Variants in SPATS2 observed in about 807,000 individuals in gnomAD.
SPATS2 encodes spermatogenesis-associated serine-rich protein 2.
In SPATS2, 38 loss-of-function variants were observed where a neutral mutation model predicts 63.7. That is an observed-to-expected ratio of 0.60 (90% CI 0.46 to 0.78). The LOEUF (loss-of-function observed/expected upper bound fraction) is 0.78. Among genes scored for constraint, SPATS2 ranks in the 30% least tolerant of loss-of-function variants. SPATS2 has a pLI of 0.00. For synonymous variants in SPATS2, 207 were observed against 232.9 expected (o/e 0.89, Z 1.01); for missense variants, 588 against 666.2 (o/e 0.88, Z 1.29).
At chr12:49,427,098 A>G (rs147129185) in intron 2 of SPATS2, among the ~76,000 whole-genome samples, 93 of 152,280 alleles carry the variant, frequency 6.1e-4, no homozygotes, top group African/African-American at 2.1e-3. Context: ...AGCAATATGT[A>G]AGAATCAGTT....
intron 2 of SPATS2, among the ~76,000 whole-genome samples, chr12:49,379,762 A>G (rs1944180441): frequency 6.6e-6 from 1 of 150,490 alleles, no homozygotes; most frequent in Non-Finnish European, 1.5e-5. Flanking sequence ...AGCTGAGACT[A>G]CAGGCACACG....
chr12:49,521,846 A>G (rs1946946369), intron 11 of SPATS2, among the ~76,000 whole-genome samples: 2 of 152,278 alleles, frequency 1.3e-5, no homozygotes, highest in Admixed American at 1.3e-4. Flanking sequence ...AACTTTAGGA[A>G]TTCAAGGCCG....
At chr12:49,450,604 C>G (rs553746098) in intron 2 of SPATS2, among the ~76,000 whole-genome samples, 2 of 152,076 alleles carry the variant, frequency 1.3e-5, no homozygotes, top group East Asian at 3.9e-4. Flanking sequence ...AGCGCAATGG[C>G]GTGATCTTGG....
At chr12:49,504,770 CTTTT>C (rs745453843) in intron 9 of SPATS2, among the ~76,000 whole-genome samples, 2 of 98,858 alleles carry the variant, frequency 2.0e-5, no homozygotes, top group Non-Finnish European at 4.1e-5. Flanking sequence ...TTCTTTCTTT[CTTTT>C]TTTTTTTTTT....
intron 9 of SPATS2, among the ~76,000 whole-genome samples, chr12:49,503,550 G>A (rs2137968873): frequency 6.6e-6 from 1 of 151,560 alleles, no homozygotes; most frequent in East Asian, 1.9e-4. Context: ...TCAGGAGGCT[G>A]AGGCAGGAGA....
intron 10 of SPATS2, among the ~76,000 whole-genome samples, chr12:49,515,354 G>A (rs957961215): frequency 6.6e-6 from 1 of 152,180 alleles, no homozygotes; most frequent in African/African-American, 2.4e-5. Context: ...TGCATTGAAC[G>A]CCAGATTAAT....
At chr12:49,508,521 TCA>T (rs111773339) in intron 9 of SPATS2, among the ~76,000 whole-genome samples, 2,115 of 152,082 alleles carry the variant, frequency 0.014, 46 homozygotes, top group African/African-American at 0.046. Flanking sequence ...CCAGCCAAAA[TCA>T]CAGTTTCAAA....
intron 3 of SPATS2, among the ~76,000 whole-genome samples, chr12:49,472,009 C>T (rs1215667020): frequency 1.3e-5 from 2 of 149,992 alleles, no homozygotes; most frequent in African/African-American, 2.5e-5. Flanking sequence ...CATGGTGGGG[C>T]GTGTCTTTAG....
rs1945810738 is a variant in SPATS2, at chr12:49,460,942, C to A, written c.-71C>A. ...GTTGCCCACTTTTAAATCAGAGATA[C>A]CTACACTCAAAACCCAGACAAGGCA... On this transcript the variant is annotated 5_prime_UTR_variant, in exon 3 of 14. Coordinates refer to ENST00000552918, the MANE Select transcript of SPATS2 (RefSeq NM_023071.4). 1 of 1,579,118 alleles carries A rather than the reference C, an allele frequency of 6.3e-7. No individual in the cohort carries two copies. The highest frequency in any genetic ancestry group is 1.1e-5 in the South Asian group (1 of 88,960).
At position 49,507,955 on chromosome 12, in the gene SPATS2, T is replaced by C. The variant is rs946639224; in HGVS notation, c.840-6600T>C. ...GAGCTCAATTACTAAGCTTTTATTG[T>C]ATGTCAGAAACTTTTATGTACAGTG... is the stretch of plus-strand genomic sequence containing the variant. On this transcript the variant is annotated intron_variant, in intron 9 of 13. Coordinates refer to ENST00000552918, the MANE Select transcript of SPATS2 (RefSeq NM_023071.4). 2.0e-5 allele frequency among the ~76,000 whole-genome samples: 3 copies of C among 152,366 alleles called. No homozygotes were observed. The East Asian group carries it at 5.8e-4, about 29-fold the overall frequency.
intron 2 of SPATS2, among the ~76,000 whole-genome samples, chr12:49,405,907 C>T (rs1456221694): frequency 6.6e-6 from 1 of 152,276 alleles, no homozygotes; most frequent in East Asian, 1.9e-4. Context: ...CTTTTGCATA[C>T]AGTTTCTTCC....
At chr12:49,418,117 T>TTTTTTTG (rs1315951282) in intron 2 of SPATS2, among the ~76,000 whole-genome samples, 1 of 140,802 alleles carries the variant, frequency 7.1e-6, no homozygotes, top group Non-Finnish European at 1.5e-5. Context: ...AGTTTTTTTT[T>TTTTTTTG]TTTTTTTTTT....
chr12:49,367,680 G>T, intron 1 of SPATS2, 93 bp downstream of exon 1: 1 of 244,444 alleles, frequency 4.1e-6, no homozygotes, highest in Non-Finnish European at 7.6e-6. Flanking sequence ...AGAGGGAGGG[G>T]GTAGTTGGGG....
intron 4 of SPATS2, among the ~76,000 whole-genome samples, chr12:49,487,715 A>C (rs1008420234): frequency 6.6e-6 from 1 of 151,980 alleles, no homozygotes; most frequent in South Asian, 2.1e-4. Flanking sequence ...CTCCCGCCTC[A>C]CCCTCCTGAG....
intron 8 of SPATS2, among the ~76,000 whole-genome samples, chr12:49,499,664 G>GTCC (rs2137942042): frequency 6.6e-6 from 1 of 152,070 alleles, no homozygotes; most frequent in East Asian, 1.9e-4. Context: ...AATTCAGGGG[G>GTCC]TCCACCAGGC....
chr12:49,451,938 C>G (rs1199154427), intron 2 of SPATS2, among the ~76,000 whole-genome samples: 1 of 152,198 alleles, frequency 6.6e-6, no homozygotes, highest in Admixed American at 6.5e-5. Context: ...TTCTTGCCTT[C>G]TGGCTTCTTT....
chr12:49,389,039 G>C (rs1207704130), intron 2 of SPATS2, among the ~76,000 whole-genome samples: 1 of 151,900 alleles, frequency 6.6e-6, no homozygotes, highest in Admixed American at 6.6e-5. Flanking sequence ...TTTTTCTTCT[G>C]ATTTTTAAGT....
chr12:49,382,454 C>T (rs1176157738), intron 2 of SPATS2, among the ~76,000 whole-genome samples: 4 of 152,168 alleles, frequency 2.6e-5, no homozygotes, highest in African/African-American at 4.8e-5. Flanking sequence ...GTATGAAGTG[C>T]TTATTCATCT....
At chr12:49,520,370 G>A (rs771132920) in intron 11 of SPATS2, among the ~76,000 whole-genome samples, 5 of 151,948 alleles carry the variant, frequency 3.3e-5, no homozygotes, top group South Asian at 2.1e-4. Flanking sequence ...TACCCGCCTC[G>A]GCCTCTCAAA....
Sources: gnomAD v4.1 joint callset for allele counts (sites outside exome capture counted in the v4.1 genomes callset) on GRCh38, gnomAD v4.1.1 for gene constraint, MANE v1.5 for transcripts, NCBI Gene and HGNC (gene_info 2026-07-23, HGNC 2026-07-21) for gene names.